Variants in ZNF75D observed in about 807,000 individuals in gnomAD.
The protein encoded by ZNF75D is zinc finger protein 75.
In ZNF75D, 33 loss-of-function variants were observed where a neutral mutation model predicts 33.3. That is an observed-to-expected ratio of 0.99 (90% CI 0.75 to 1.32). ZNF75D has a LOEUF of 1.32. Ranked by LOEUF, ZNF75D falls within the 40% of genes most tolerant of loss-of-function variation. ZNF75D has a pLI of 0.00. For synonymous variants in ZNF75D, 113 were observed against 130.6 expected (o/e 0.87, Z 0.92); for missense variants, 338 against 367.5 (o/e 0.92, Z 0.66).
chrX:135,291,377 G>A, intron 5 of ZNF75D, 95 bp downstream of exon 5: 2 of 1,049,184 alleles, frequency 1.9e-6, no homozygotes, highest in Non-Finnish European at 2.6e-6. Context: ...ATGCCTCAAA[G>A]CACCTGCTGG....
downstream of ZNF75D, among the ~76,000 whole-genome samples, chrX:135,283,104 C>T (rs2083926731): frequency 8.9e-6 from 1 of 112,194 alleles, no homozygotes; most frequent in Non-Finnish European, 1.9e-5. Context: ...AACTGCTTCT[C>T]AAAGCTGACC....
intron 1 of ZNF75D, chrX:135,297,341 T>C (rs989231320): frequency 6.3e-4 from 71 of 112,538 alleles, no homozygotes; most frequent in African/African-American, 2.2e-3. Context: ...ATCTATGATA[T>C]ATAAACTTAG....
chrX:135,307,672 TA>T (rs782656023), intron 1 of ZNF75D, among the ~76,000 whole-genome samples: 57 of 111,987 alleles, frequency 5.1e-4, no homozygotes, highest in Non-Finnish European at 9.2e-4. Context: ...GTCCACAGAA[TA>T]AAAGTGTGGA....
chrX:135,277,602 G>A (rs1187635891), intron 1 of ZNF75D, among the ~76,000 whole-genome samples: 4 of 112,085 alleles, frequency 3.6e-5, no homozygotes, highest in Non-Finnish European at 7.5e-5. Context: ...GTTTTCCTCT[G>A]GGGTATTTAT....
chrX:135,326,263 C>T (rs1325110360), intron 1 of ZNF75D, among the ~76,000 whole-genome samples: 2 of 95,205 alleles, frequency 2.1e-5, no homozygotes, highest in African/African-American at 4.0e-5. Flanking sequence ...CCAATGGGTA[C>T]TCTGTATCTA....
chrX:135,294,613 GT>G (rs1460753121), intron 2 of ZNF75D, among the ~76,000 whole-genome samples: 6 of 110,856 alleles, frequency 5.4e-5, no homozygotes. Flanking sequence ...TGGGTTTCCT[GT>G]CCTATATTGG....
chrX:135,249,027 T>C (rs1193728252), exon 4 of ZNF75D: 1 of 324,073 alleles, frequency 3.1e-6, no homozygotes, highest in Admixed American at 3.1e-5. Flanking sequence ...GTGGGTTGAT[T>C]GTGTGGCGTG....
chrX:135,249,569 G>C (rs1406543563), intron 3 of ZNF75D, among the ~76,000 whole-genome samples: 1 of 107,948 alleles, frequency 9.3e-6, no homozygotes, highest in Non-Finnish European at 1.9e-5. Flanking sequence ...AGTAAGTTTT[G>C]AGTCCAGAAT....
intron 4 of ZNF75D, 89 bp from the exon 5 acceptor site, chrX:135,291,652 C>T: frequency 1.8e-6 from 2 of 1,132,641 alleles, no homozygotes; most frequent in Admixed American, 5.4e-5. Flanking sequence ...ATCAGGATGC[C>T]TTCAGTAAAG....
chrX:135,307,130 A>G (rs1181420650), intron 1 of ZNF75D, among the ~76,000 whole-genome samples: 1 of 111,778 alleles, frequency 8.9e-6, no homozygotes, highest in Non-Finnish European at 1.9e-5. Flanking sequence ...TAAGAGAAAG[A>G]GTTTTCCACT....
At chrX:135,270,883 T>A (rs782555511) in intron 1 of ZNF75D, among the ~76,000 whole-genome samples, 2 of 112,158 alleles carry the variant, frequency 1.8e-5, no homozygotes, top group African/African-American at 6.5e-5. Context: ...GGGAGAGGCA[T>A]CTTGCCTCGA....
intron 1 of ZNF75D, among the ~76,000 whole-genome samples, chrX:135,269,070 C>T (rs1556416628): frequency 2.7e-5 from 3 of 111,815 alleles, no homozygotes; most frequent in Non-Finnish European, 5.7e-5. Context: ...AACTAGACCC[C>T]CTATCTCTCA....
intron 1 of ZNF75D, among the ~76,000 whole-genome samples, chrX:135,318,501 C>T (rs781786108): frequency 2.9e-4 from 32 of 111,303 alleles, no homozygotes; most frequent in South Asian, 1.5e-3. Flanking sequence ...TATTTCATTT[C>T]GGAACTTAGA....
At chrX:135,319,147 C>T (rs782351710) in intron 1 of ZNF75D, among the ~76,000 whole-genome samples, 1 of 111,750 alleles carries the variant, frequency 8.9e-6, no homozygotes, top group East Asian at 2.8e-4. Flanking sequence ...GGAACTAGAC[C>T]CCAAAACTCA....
In ZNF75D at chrX:135,280,194, T is replaced by C. The variant is rs142617304; in HGVS notation, n.828-24417A>G. Among the ~76,000 whole-genome samples the C allele has an allele frequency of 7.4e-3, 830 of 112,359 alleles. 6 individuals carry two copies. Among genetic ancestry groups the C allele is most frequent in the African/African-American group, 0.025 (782 of 30,972 alleles). On this transcript the variant is annotated intron_variant and non_coding_transcript_variant, in intron 1 of 3. Transcript: ENST00000494295. ...GTATTGGGTGCATATATGTTTAGGA[T>C]AGTTATCTCTTCTTGTTGCATTGAT...
chrX:135,258,290 T>G (rs1169758734), intron 1 of ZNF75D, among the ~76,000 whole-genome samples: 1 of 110,113 alleles, frequency 9.1e-6, no homozygotes, highest in East Asian at 2.8e-4. Flanking sequence ...GCATGATTTA[T>G]AATCCTTTGG....
At chrX:135,316,324 G>A (rs782747328) in intron 1 of ZNF75D, among the ~76,000 whole-genome samples, 1 of 111,407 alleles carries the variant, frequency 9.0e-6, no homozygotes, top group Non-Finnish European at 1.9e-5. Context: ...CTTTTAGCAC[G>A]TTGAATATAT....
intron 1 of ZNF75D, among the ~76,000 whole-genome samples, chrX:135,257,963 C>CCCT (rs1925592824): frequency 4.0e-5 from 4 of 100,373 alleles, no homozygotes; most frequent in Non-Finnish European, 8.3e-5. Flanking sequence ...CCTCCCGGAG[C>CCCT]CCCCCCACCA....
intron 6 of ZNF75D, among the ~76,000 whole-genome samples, chrX:135,290,477 C>T (rs1026214984): frequency 8.9e-6 from 1 of 112,139 alleles, no homozygotes; most frequent in Admixed American, 9.4e-5. Context: ...TAGGATTACG[C>T]TAATATTCTT....
Sources: gnomAD v4.1 joint callset for allele counts (sites outside exome capture counted in the v4.1 genomes callset) on GRCh38, gnomAD v4.1.1 for gene constraint, MANE v1.5 for transcripts, NCBI Gene and HGNC (gene_info 2026-07-23, HGNC 2026-07-21) for gene names.